Variants in ART3 observed in about 807,000 individuals in gnomAD.
ART3 encodes ecto-ADP-ribosyltransferase 3.
In ART3, 49 loss-of-function variants were observed where a neutral mutation model predicts 48.5. That is an observed-to-expected ratio of 1.01 (90% CI 0.80 to 1.28). The LOEUF (loss-of-function observed/expected upper bound fraction) is 1.28, where lower values mean the gene tolerates loss of function less well. ART3 is among the 50% of genes most tolerant of loss of function. The pLI is 0.00. For missense variants in ART3, 438 were observed against 454.3 expected (o/e 0.96, Z 0.33); for synonymous variants, 145 against 157.2 (o/e 0.92, Z 0.58).
intron 4 of ART3, among the ~76,000 whole-genome samples, chr4:76,098,014 A>G (rs1380117135): frequency 3.3e-5 from 5 of 152,058 alleles, no homozygotes; most frequent in African/African-American, 1.2e-4. Context: ...ATCTTCAGCC[A>G]TTTCCCACTT....
At chr4:76,090,753 A>G (rs192981395) in intron 3 of ART3, among the ~76,000 whole-genome samples, 21 of 152,368 alleles carry the variant, frequency 1.4e-4, no homozygotes, top group African/African-American at 5.0e-4. Context: ...ACTGAGTTAT[A>G]ATTGATATGC....
At chr4:76,034,743 T>C in intron 1 of ART3, 1 of 1,346,482 alleles carries the variant, frequency 7.4e-7, no homozygotes, top group Non-Finnish European at 1.1e-6. Flanking sequence ...TTAAACTTGT[T>C]CTAGGTTTTT....
At chr4:76,038,688 C>T (rs1734665157) in intron 1 of ART3, among the ~76,000 whole-genome samples, 1 of 151,424 alleles carries the variant, frequency 6.6e-6, no homozygotes, top group Non-Finnish European at 1.5e-5. Flanking sequence ...TGTTCAAATC[C>T]ACCCTTGATT....
At chr4:76,012,486 A>G (rs1414868713) in intron 1 of ART3, among the ~76,000 whole-genome samples, 1 of 152,166 alleles carries the variant, frequency 6.6e-6, no homozygotes, top group Non-Finnish European at 1.5e-5. Flanking sequence ...TAAATACAAC[A>G]TGGTGAGTTA....
intron 8 of ART3, among the ~76,000 whole-genome samples, chr4:76,101,901 G>A (rs185430741): frequency 9.5e-4 from 144 of 152,250 alleles, no homozygotes; most frequent in Non-Finnish European, 1.7e-3. Context: ...CTTTTGACTC[G>A]GTTATAACAC....
intron 1 of ART3, chr4:76,035,354 C>G (rs769681091): frequency 1.9e-6 from 3 of 1,612,960 alleles, no homozygotes; most frequent in Non-Finnish European, 1.7e-6. Flanking sequence ...TAGAATAGAT[C>G]ATAGCATTAG....
chr4:76,105,853 A>C (rs1728353222), intron 10 of ART3: 1 of 985,300 alleles, frequency 1.0e-6, no homozygotes, highest in Non-Finnish European at 1.2e-6. Flanking sequence ...AGGGTGAAGG[A>C]ATCTGTAGAC....
At chr4:76,072,092 A>C (rs1431147032), upstream of ART3, among the ~76,000 whole-genome samples, 3 of 152,004 alleles carry the variant, frequency 2.0e-5, no homozygotes, top group Non-Finnish European at 4.4e-5. Context: ...AATTTTTAAA[A>C]TTTTTTTGTA....
chr4:76,101,909 C>T (rs144505490), intron 8 of ART3, among the ~76,000 whole-genome samples: 1 of 152,296 alleles, frequency 6.6e-6, no homozygotes, highest in East Asian at 1.9e-4. Flanking sequence ...TCGGTTATAA[C>T]ACTTTTGGAT....
intron 5 of ART3, 60 bp from the exon 6 acceptor site, chr4:76,100,231 G>A: frequency 6.5e-7 from 1 of 1,538,482 alleles, no homozygotes; most frequent in Admixed American, 1.7e-5. Context: ...TGTAGCAATA[G>A]TAACTGCCAG....
At chr4:76,101,958 G>C (rs1727415368) in intron 8 of ART3, among the ~76,000 whole-genome samples, 1 of 152,148 alleles carries the variant, frequency 6.6e-6, no homozygotes, top group Non-Finnish European at 1.5e-5. Context: ...ACAAAGATTT[G>C]TGTACAAAAA....
chr4:76,107,624 A>AT, intron 10 of ART3, 137 bp from the exon 11 acceptor site: 1 of 522,004 alleles, frequency 1.9e-6, no homozygotes. Flanking sequence ...AACCCCACAC[A>AT]TACCCGTAAA....
At chr4:76,087,302 G>A (rs1723815438) in intron 3 of ART3, among the ~76,000 whole-genome samples, 1 of 152,164 alleles carries the variant, frequency 6.6e-6, no homozygotes, top group Non-Finnish European at 1.5e-5. Flanking sequence ...ATGTGTTTAG[G>A]GAGCTATGAC....
chr4:76,045,884 A>G (rs1009439536), intron 1 of ART3, among the ~76,000 whole-genome samples: 1 of 152,034 alleles, frequency 6.6e-6, no homozygotes, highest in Non-Finnish European at 1.5e-5. Flanking sequence ...ATAAGCCAGT[A>G]TAGGCTGTAT....
At chr4:76,045,525 C>T (rs994559674) in intron 1 of ART3, among the ~76,000 whole-genome samples, 1 of 151,978 alleles carries the variant, frequency 6.6e-6, no homozygotes, top group Non-Finnish European at 1.5e-5. Context: ...GTGAGGCCAG[C>T]CTTTGGCTAC....
chr4:76,100,222 G>A (rs529927351), intron 5 of ART3, 69 bp from the exon 6 acceptor site: 4 of 1,474,288 alleles, frequency 2.7e-6, no homozygotes, highest in Admixed American at 1.7e-5. Flanking sequence ...TAATTTTGCT[G>A]TAGCAATAGT....
chr4:76,100,391 G>A, intron 6 of ART3, 71 bp downstream of exon 6: 1 of 1,458,538 alleles, frequency 6.9e-7, no homozygotes, highest in Non-Finnish European at 9.5e-7. Context: ...CCAGCACTTT[G>A]GGAGGCCGAG....
rs985409163 is a variant in ART3 at position 76,112,743 on chromosome 4, AACTGTAT to A, written c.*228_*234del. On this transcript the variant is annotated 3_prime_UTR_variant, in exon 12 of 12. Transcript: ENST00000355810. ...TCTTACAATGGAAAAAAATCCCGAA[AACTGTAT>A]ACTTCTGATTAAATTCAATAAAAGA... The A allele has an allele frequency of 4.1e-5, 17 of 412,424 alleles. No homozygotes were observed. The highest frequency in any genetic ancestry group is 3.5e-4 in the African/African-American group (17 of 48,152). The allele number at this position is 412,424 out of a possible 1,614,324, so 25.5% of individuals were successfully genotyped here.
At chr4:76,036,170 G>A (rs933820569) in intron 1 of ART3, 33 of 563,574 alleles carry the variant, frequency 5.9e-5, no homozygotes, top group Middle Eastern at 3.8e-4. Context: ...CACCTTTCCT[G>A]CTTCCAAGAG....
Sources: gnomAD v4.1 joint callset for allele counts (sites outside exome capture counted in the v4.1 genomes callset) on GRCh38, gnomAD v4.1.1 for gene constraint, MANE v1.5 for transcripts, NCBI Gene and HGNC (gene_info 2026-07-23, HGNC 2026-07-21) for gene names.